The following FAM47E variants were observed in gnomAD, a reference collection of about 807,000 sequenced individuals.
FAM47E encodes protein FAM47E.
FAM47E carries 32 observed loss-of-function variants against 41.6 expected under a neutral mutation model. The observed-to-expected ratio is 0.77, with a 90% CI of 0.58 to 1.03. FAM47E has a LOEUF of 1.03. FAM47E is among the 50% of genes least tolerant of loss of function. FAM47E has a pLI of 0.00. For missense variants in FAM47E, 424 were observed against 485.4 expected (o/e 0.87, Z 1.19); for synonymous variants, 184 against 188.7 (o/e 0.98, Z 0.20).
chr4:76,282,058 C>T (rs1735373630), intron 7 of FAM47E: 1 of 56,956 alleles, frequency 1.8e-5, no homozygotes, highest in African/African-American at 4.4e-5. Context: ...TGTAGAAGTA[C>T]AGTACATTTG....
intron 5 of FAM47E, among the ~76,000 whole-genome samples, chr4:76,275,900 G>A (rs747870838): frequency 5.9e-5 from 9 of 152,086 alleles, no homozygotes; most frequent in Non-Finnish European, 7.4e-5. Flanking sequence ...TCCACCTCAG[G>A]GATATTTGGC....
intron 2 of FAM47E, among the ~76,000 whole-genome samples, chr4:76,223,436 G>A (rs1733343325): frequency 6.6e-6 from 1 of 152,204 alleles, no homozygotes; most frequent in African/African-American, 2.4e-5. Context: ...GCTGGGTACT[G>A]TGAGAAGACA....
chr4:76,238,523 C>T (rs1263028567), intron 2 of FAM47E, among the ~76,000 whole-genome samples: 2 of 152,112 alleles, frequency 1.3e-5, no homozygotes, highest in Non-Finnish European at 2.9e-5. Flanking sequence ...ATTCCTAGCT[C>T]AGCCCAGTGA....
At chr4:76,220,988 A>G (rs951104170) in intron 2 of FAM47E, among the ~76,000 whole-genome samples, 3 of 152,084 alleles carry the variant, frequency 2.0e-5, no homozygotes, top group African/African-American at 4.8e-5. Context: ...TTATTTCCCC[A>G]TGGGAAACTG....
At chr4:76,223,810 T>C (rs1733349271) in intron 2 of FAM47E, among the ~76,000 whole-genome samples, 1 of 152,068 alleles carries the variant, frequency 6.6e-6, no homozygotes, top group African/African-American at 2.4e-5. Flanking sequence ...ACTCTCCACC[T>C]CACTAAAAGG....
intron 2 of FAM47E, among the ~76,000 whole-genome samples, chr4:76,220,613 A>G (rs1733290602): frequency 6.6e-6 from 1 of 152,194 alleles, no homozygotes; most frequent in Non-Finnish European, 1.5e-5. Flanking sequence ...ACAGAGCTAG[A>G]TCCTGTCTCT....
chr4:76,256,930 C>T lies in FAM47E; in HGVS notation c.420+407C>T, dbSNP rs560813144. 3.9e-5 allele frequency among the ~76,000 whole-genome samples: 6 copies of T among 152,240 alleles called. No homozygotes were observed. The South Asian group carries it at 1.2e-3, about 32-fold the overall frequency. On this transcript the variant is annotated intron_variant, in intron 2 of 7. Coordinates refer to ENST00000424749, the MANE Select transcript of FAM47E (RefSeq NM_001136570.3). ...TGGTATTAGGAAGTGCCCTTAAATA[C>T]TTACTAATGGGTGGAAAGAATGAGA...
chr4:76,278,073 C>G lies in FAM47E; in HGVS notation c.875C>G (p.Pro292Arg). The change falls in exon 6 of 8, where the codon CCT (proline) becomes CGT (arginine). Residue 292 changes from proline (P) to arginine (R), a missense_variant. Coordinates refer to ENST00000424749, the MANE Select transcript of FAM47E (RefSeq NM_001136570.3). ...GAATTATGTTACTTTCCACAGAATC[C>G]TTATAAGCCAAAGTGGGTGAAGATG... ...YERKLQKPQN[P>R]YKPKWVKMRY... 6.7e-7 allele frequency: 1 copy of G among 1,497,124 alleles called. No individual in the cohort carries two copies. Among genetic ancestry groups the G allele is most frequent in the Non-Finnish European group, 8.9e-7 (1 of 1,128,130 alleles). The allele number at this position is 1,497,124 out of a possible 1,614,324, so 92.7% of individuals were successfully genotyped here.
intron 5 of FAM47E, among the ~76,000 whole-genome samples, chr4:76,277,782 G>T (rs1428954483): frequency 2.6e-5 from 4 of 152,198 alleles, no homozygotes; most frequent in Non-Finnish European, 5.9e-5. Context: ...AAGAATTTAT[G>T]TAACTTGATC....
intron 4 of FAM47E, among the ~76,000 whole-genome samples, chr4:76,270,165 T>C (rs1436015683): frequency 3.9e-5 from 6 of 151,984 alleles, no homozygotes; most frequent in African/African-American, 1.4e-4. Context: ...TCCTATCTTT[T>C]GGCTGTGCAA....
chr4:76,236,121 T>G (rs931277234), intron 2 of FAM47E: 3 of 148,952 alleles, frequency 2.0e-5, no homozygotes, highest in African/African-American at 7.8e-5. Context: ...TTTTTTGTGT[T>G]TTTTTTTAGT....
chr4:76,257,226 A>G (rs6819794), intron 2 of FAM47E, among the ~76,000 whole-genome samples: 69,377 of 151,990 alleles, frequency 0.46, 17,911 homozygotes, highest in Non-Finnish European at 0.6. Flanking sequence ...CCCAGTAAAC[A>G]TCTCTTTCAT....
At chr4:76,232,040 A>G (rs1001073248) in intron 2 of FAM47E, among the ~76,000 whole-genome samples, 6 of 152,366 alleles carry the variant, frequency 3.9e-5, no homozygotes, top group African/African-American at 1.4e-4. Flanking sequence ...ATATTGCCAT[A>G]AGTTATGAAT....
intron 5 of FAM47E, among the ~76,000 whole-genome samples, chr4:76,277,587 G>A (rs898238778): frequency 1.3e-5 from 2 of 151,968 alleles, no homozygotes; most frequent in African/African-American, 2.4e-5. Flanking sequence ...GCTGAGCACC[G>A]TGCTGGGCTC....
chr4:76,261,146 A>G (rs1239938874), intron 2 of FAM47E, among the ~76,000 whole-genome samples: 2 of 152,192 alleles, frequency 1.3e-5, no homozygotes, highest in African/African-American at 4.8e-5. Flanking sequence ...ATCAGTCAGA[A>G]TAGCTATTAT....
intron 2 of FAM47E, among the ~76,000 whole-genome samples, chr4:76,260,660 G>T (rs898812795): frequency 6.6e-6 from 1 of 152,060 alleles, no homozygotes; most frequent in African/African-American, 2.4e-5. Context: ...CTGAGGCAAA[G>T]AATTTATGAC....
At chr4:76,244,275 T>A (rs928511987) in intron 2 of FAM47E, among the ~76,000 whole-genome samples, 2 of 152,134 alleles carry the variant, frequency 1.3e-5, no homozygotes, top group Admixed American at 6.5e-5. Flanking sequence ...GATCACTGGG[T>A]CAAATGGTAT....
Position 76,263,854 on chromosome 4 carries a change from T to A in FAM47E, c.560+11T>A, listed in dbSNP as rs1175849499. On this transcript the variant is annotated intron_variant, in intron 3 of 7. Transcript: ENST00000424749. ...AGTCTACCTGGGACCGTGAGTATTG[T>A]TCTTAACCCTTCGATCATTGCTGTC... 1.9e-6 allele frequency: 3 copies of A among 1,549,876 alleles called. No individual in the cohort carries two copies. In the Admixed American group the frequency reaches 5.9e-5, roughly 31 times the overall value.
At chr4:76,258,940 T>C (rs990424102) in intron 2 of FAM47E, among the ~76,000 whole-genome samples, 4 of 152,204 alleles carry the variant, frequency 2.6e-5, no homozygotes, top group African/African-American at 9.7e-5. Flanking sequence ...TAATTTTAGG[T>C]GTCAATTTGA....
Sources: gnomAD v4.1 joint callset for allele counts (sites outside exome capture counted in the v4.1 genomes callset) on GRCh38, gnomAD v4.1.1 for gene constraint, MANE v1.5 for transcripts, NCBI Gene and HGNC (gene_info 2026-07-23, HGNC 2026-07-21) for gene names.